ELN: variants seen among roughly 807,000 people sequenced by gnomAD.
The protein encoded by ELN is elastin.
A neutral mutation model predicts 105.8 loss-of-function variants in ELN; 65 were observed. The observed-to-expected ratio is 0.61, with a 90% CI of 0.50 to 0.75. The LOEUF is 0.75. Among genes scored for constraint, ELN ranks in the 30% least tolerant of loss-of-function variants. The pLI, the probability that ELN is intolerant of heterozygous loss-of-function variation, is 0.00. For missense variants in ELN, 882 were observed against 969.4 expected (o/e 0.91, Z 1.20); for synonymous variants, 368 against 389.2 (o/e 0.95, Z 0.64).
Position 74,053,636 on chromosome 7 carries a change from G to A in ELN, c.1096+327G>A, listed in dbSNP as rs368791446. Among the ~76,000 whole-genome samples, 10 of 152,162 alleles carry A rather than the reference G, an allele frequency of 6.6e-5. No individual in the cohort carries two copies. In the East Asian group the frequency reaches 1.3e-3, roughly 21 times the overall value. On this transcript the variant is annotated intron_variant, in intron 18 of 32. Coordinates refer to ENST00000252034, the MANE Select transcript of ELN (RefSeq NM_000501.4). ...TTATGGTGGATAAAACGGTAAGTGG[G>A]TGGATAGATGGATAAGTGGATGAAT...
chr7:74,057,487 C>T lies in ELN; in HGVS notation c.1358-153C>T, dbSNP rs1450142429. The T allele has an allele frequency of 1.2e-5, 19 of 1,576,884 alleles. No homozygotes were observed. The highest frequency in any genetic ancestry group is 1.5e-5 in the Non-Finnish European group (17 of 1,158,704). ...GTGCCAGGTGAGCTGTGTCTCCAGC[C>T]CAGAGATGGGTTTGGTTTGTCTCAT... On this transcript the variant is annotated intron_variant, in intron 21 of 32. Coordinates refer to ENST00000252034, the MANE Select transcript of ELN (RefSeq NM_000501.4).
rs1396222792 is a variant in ELN, at chr7:74,060,648, C to T, written c.1747+147C>T. ...GGTTCTCCTAAGCATCTGGGGGTAA[C>T]AGATAGCGGGAGGAGGGCAGACCAG... On this transcript the variant is annotated intron_variant, in intron 25 of 32. Transcript: ENST00000252034. The T allele has an allele frequency of 5.2e-6, 8 of 1,550,594 alleles. No individual in the cohort carries two copies. In the African/African-American group the frequency reaches 5.5e-5, roughly 11 times the overall value.
Position 74,043,150 on chromosome 7 carries a change from A to C in ELN, c.409A>C (p.Lys137Gln), listed in dbSNP as rs781958988. 5 of 1,606,188 alleles carry C rather than the reference A, an allele frequency of 3.1e-6. No homozygotes were observed. The South Asian group carries it at 5.5e-5, about 18-fold the overall frequency. The change falls in exon 8 of 33, where the codon AAG (lysine) becomes CAG (glutamine). Residue 137 changes from lysine to glutamine, a missense_variant. Transcript: ENST00000252034. ...GGTTCCTCAGCCTGGAGCCGGAGTG[A>C]AGCCTGGGAAAGTGCCGGGTCAGTG... ...AVVPQPGAGV[K>Q]PGKVPGVGLP...
At chr7:74,047,626 C>G in intron 12 of ELN, 49 bp from the exon 13 acceptor site, 2 of 1,613,250 alleles carry the variant, frequency 1.2e-6, no homozygotes, top group Non-Finnish European at 1.7e-6. Context: ...TTGGTGGGAG[C>G]CCAGCAAGGC....
At chr7:74,033,522 T>G (rs1261820184) in intron 1 of ELN, among the ~76,000 whole-genome samples, 23 of 152,250 alleles carry the variant, frequency 1.5e-4, no homozygotes, top group African/African-American at 4.8e-4. Flanking sequence ...GGGCCACCAC[T>G]CCGAGCCTTG....
At chr7:74,039,718 C>T (rs952014505) in intron 4 of ELN, among the ~76,000 whole-genome samples, 1 of 152,284 alleles carries the variant, frequency 6.6e-6, no homozygotes, top group Non-Finnish European at 1.5e-5. Context: ...GAACTGGGAG[C>T]ACCCACTGTG....
chr7:74,062,840 C>T (rs1033410157), intron 26 of ELN, among the ~76,000 whole-genome samples: 25 of 152,136 alleles, frequency 1.6e-4, no homozygotes, highest in African/African-American at 4.3e-4. Context: ...TGTGAGCCAC[C>T]GCACCCGGCT....
At position 74,049,046 on chromosome 7, in the gene ELN, T is replaced by G. The variant is rs201658973; in HGVS notation, c.799+490T>G. 5.6e-5 allele frequency among the ~76,000 whole-genome samples: 8 copies of G among 144,000 alleles called. No individual in the cohort carries two copies. The East Asian group carries it at 1.7e-3, about 30-fold the overall frequency. 94.5% of individuals were successfully genotyped at this position (144,000 alleles called of 152,430 possible). Reference sequence around the variant, plus strand: ...ACTCATTCATCCATCCATCTCTCCCTCCATCCATTCATCCATCCATCTATC... The same window carrying G: ...ACTCATTCATCCATCCATCTCTCCCGCCATCCATTCATCCATCCATCTATC... On this transcript the variant is annotated intron_variant, in intron 15 of 32. Coordinates refer to ENST00000252034, the MANE Select transcript of ELN (RefSeq NM_000501.4).
At chr7:74,028,856 A>G (rs1384583795) in intron 1 of ELN, among the ~76,000 whole-genome samples, 8 of 151,870 alleles carry the variant, frequency 5.3e-5, no homozygotes, top group African/African-American at 1.9e-4. Context: ...GACTCCTGGT[A>G]TGCATTTGTG....
At chr7:74,064,489 G>A (rs1404791430) in intron 29 of ELN, among the ~76,000 whole-genome samples, 6 of 150,696 alleles carry the variant, frequency 4.0e-5, no homozygotes, top group East Asian at 3.9e-4. Context: ...GGTGACACAC[G>A]CCTGTAATCC....
At position 74,060,120 on chromosome 7, in the gene ELN, CCT is replaced by C. The variant is rs1554683247; in HGVS notation, c.1577-12_1577-11del. The stretch of plus-strand genomic sequence containing the variant: ...GGGCCCCGCCTCCATCTCTAATCCC[CCT>C]CTCTCTCCCTCCCTCAGCTGCAGCA... On this transcript the variant is annotated intron_variant, in intron 23 of 32. Transcript: ENST00000252034. 6.2e-7 allele frequency: 1 copy of C among 1,614,180 alleles called. No individual in the cohort carries two copies. The highest frequency in any genetic ancestry group is 1.1e-5 in the South Asian group (1 of 91,088).
chr7:74,064,222 T>C (rs1224904322), intron 29 of ELN, among the ~76,000 whole-genome samples: 16 of 151,506 alleles, frequency 1.1e-4, no homozygotes, highest in East Asian at 1.9e-4. Flanking sequence ...AAGACCATCC[T>C]GGCTAACACA....
chr7:74,041,436 T>A (rs1554668464), intron 5 of ELN, among the ~76,000 whole-genome samples, 185 bp downstream of exon 5: 1 of 152,166 alleles, frequency 6.6e-6, no homozygotes, highest in Non-Finnish European at 1.5e-5. Context: ...AAATCACAGC[T>A]GAGTACCTGG....
chr7:74,032,304 G>A (rs1158287553), intron 1 of ELN, among the ~76,000 whole-genome samples: 1 of 152,324 alleles, frequency 6.6e-6, no homozygotes, highest in Non-Finnish European at 1.5e-5. Flanking sequence ...CCGTGGGCTC[G>A]GGAAAGGCAG....
chr7:74,042,561 G>T, intron 5 of ELN, 53 bp from the exon 6 acceptor site: 1 of 1,541,260 alleles, frequency 6.5e-7, no homozygotes, highest in Non-Finnish European at 8.9e-7. Flanking sequence ...CAGAGCGTAG[G>T]AGTCTTCATA....
chr7:74,046,327 G>A (rs774375892), intron 11 of ELN, 110 bp downstream of exon 11: 31 of 1,476,258 alleles, frequency 2.1e-5, no homozygotes, highest in Non-Finnish European at 2.4e-5. Context: ...TTTCTCCCAC[G>A]CCTGCAGAGC....
At chr7:74,042,279 T>A (rs1379927867) in intron 5 of ELN, among the ~76,000 whole-genome samples, 1 of 138,050 alleles carries the variant, frequency 7.2e-6, no homozygotes, top group Non-Finnish European at 1.6e-5. Flanking sequence ...AAAAAAAAAA[T>A]TTGCCGGGCA....
chr7:74,065,924 C>T lies in ELN; in HGVS notation c.2033-20C>T, dbSNP rs1797840052. On this transcript the variant is annotated intron_variant, in intron 30 of 32. Transcript: ENST00000252034. ...TCCCGATGGGGGTGTCTTATCCTGA[C>T]CCCACCTGCCTCTTCTCAGGTGCTG... 1.2e-6 allele frequency: 2 copies of T among 1,614,166 alleles called. No individual in the cohort carries two copies. Among genetic ancestry groups the T allele is most frequent in the Non-Finnish European group, 1.7e-6 (2 of 1,180,028 alleles).
chr7:74,054,205 C>T (rs929365824), intron 18 of ELN, among the ~76,000 whole-genome samples: 2 of 151,962 alleles, frequency 1.3e-5, no homozygotes, highest in Non-Finnish European at 2.9e-5. Context: ...CAGTGGCTCA[C>T]GCCTATAATC....
Sources: allele counts gnomAD v4.1 joint callset (sites outside exome capture counted in the v4.1 genomes callset), GRCh38; gene constraint gnomAD v4.1.1; transcripts MANE v1.5; gene names NCBI Gene and HGNC (gene_info 2026-07-23, HGNC 2026-07-21).